Variants in CNBD1 observed in about 807,000 individuals in gnomAD.
The protein encoded by CNBD1 is cyclic nucleotide-binding domain-containing protein 1.
In CNBD1, 71 loss-of-function variants were observed where a neutral mutation model predicts 54.4. That is an observed-to-expected ratio of 1.30 (90% CI 1.08 to 1.59). The LOEUF is 1.59. CNBD1 is among the 40% of genes most tolerant of loss of function. CNBD1 has a pLI of 0.00. For synonymous variants in CNBD1, 182 were observed against 170.7 expected (o/e 1.07, Z -0.51); for missense variants, 659 against 518.0 (o/e 1.27, Z -2.64).
At chr8:87,427,442 G>T (rs888047179) in intron 2 of CNBD1, among the ~76,000 whole-genome samples, 2 of 152,032 alleles carry the variant, frequency 1.3e-5, no homozygotes, top group Non-Finnish European at 2.9e-5. Flanking sequence ...ATGTAGTCTG[G>T]CTTAAAACTG....
At chr8:86,883,691 G>A (rs1808636677) in intron 1 of CNBD1, among the ~76,000 whole-genome samples, 1 of 152,054 alleles carries the variant, frequency 6.6e-6, no homozygotes, top group African/African-American at 2.4e-5. Context: ...AATCTAAAAG[G>A]TCTCTGATGA....
chr8:87,089,008 A>G (rs1171962255), intron 4 of CNBD1, among the ~76,000 whole-genome samples: 1 of 152,160 alleles, frequency 6.6e-6, no homozygotes, highest in Non-Finnish European at 1.5e-5. Flanking sequence ...TTGACTAAGA[A>G]GATTTACGGG....
At chr8:87,275,204 G>A (rs553928426) in intron 6 of CNBD1, among the ~76,000 whole-genome samples, 29 of 142,024 alleles carry the variant, frequency 2.0e-4, no homozygotes, top group African/African-American at 7.9e-4. Flanking sequence ...AAGTCTGGTA[G>A]TGTGATGCCT....
chr8:86,957,291 T>G (rs537253769), intron 4 of CNBD1, among the ~76,000 whole-genome samples: 1 of 152,278 alleles, frequency 6.6e-6, no homozygotes, highest in South Asian at 2.1e-4. Flanking sequence ...AAAATTATGT[T>G]TTTTTTGTTG....
intron 3 of CNBD1, among the ~76,000 whole-genome samples, chr8:86,932,525 T>C (rs1792257550): frequency 2.6e-5 from 4 of 152,164 alleles, no homozygotes; most frequent in Admixed American, 2.0e-4. Context: ...AAACTTTGCA[T>C]AGTTGTGGAT....
chr8:87,079,353 T>C (rs1276897401), intron 4 of CNBD1, among the ~76,000 whole-genome samples: 3 of 152,120 alleles, frequency 2.0e-5, no homozygotes, highest in Non-Finnish European at 4.4e-5. Context: ...CTAGATTGTA[T>C]AGAAGGAGTA....
At chr8:87,372,252 A>T (rs1810826554) in intron 10 of CNBD1, among the ~76,000 whole-genome samples, 1 of 152,016 alleles carries the variant, frequency 6.6e-6, no homozygotes, top group African/African-American at 2.4e-5. Flanking sequence ...CTTCAAAGAG[A>T]AAAAAATACC....
chr8:86,908,268 T>C (rs890493379), intron 3 of CNBD1, among the ~76,000 whole-genome samples: 3 of 152,198 alleles, frequency 2.0e-5, no homozygotes, highest in African/African-American at 4.8e-5. Flanking sequence ...GGGACTTTGA[T>C]CATTATTTAA....
At chr8:87,015,392 A>C (rs1429973306) in intron 4 of CNBD1, among the ~76,000 whole-genome samples, 1 of 152,068 alleles carries the variant, frequency 6.6e-6, no homozygotes, top group Non-Finnish European at 1.5e-5. Flanking sequence ...TCATCGTGTT[A>C]GTCAGGATGG....
At chr8:87,304,911 G>A (rs956104819) in intron 8 of CNBD1, among the ~76,000 whole-genome samples, 1 of 152,032 alleles carries the variant, frequency 6.6e-6, no homozygotes, top group Non-Finnish European at 1.5e-5. Flanking sequence ...ATCCTTATCA[G>A]AGCAATCAAG....
intron 4 of CNBD1, among the ~76,000 whole-genome samples, chr8:87,011,884 A>G (rs764294246): frequency 6.6e-6 from 1 of 152,196 alleles, no homozygotes; most frequent in Non-Finnish European, 1.5e-5. Context: ...ATAATTTTAC[A>G]TGGAATAATT....
chr8:87,183,239 A>T (rs1813394119), intron 4 of CNBD1, among the ~76,000 whole-genome samples: 1 of 151,926 alleles, frequency 6.6e-6, no homozygotes, highest in South Asian at 2.1e-4. Context: ...TGGGCTTTCT[A>T]GTCTCTTTTG....
intron 4 of CNBD1, among the ~76,000 whole-genome samples, chr8:87,025,010 T>G (rs1340995365): frequency 2.0e-5 from 3 of 152,130 alleles, no homozygotes; most frequent in Non-Finnish European, 4.4e-5. Flanking sequence ...GCCAAATTGT[T>G]GGGTGAGATG....
At chr8:87,380,516 A>T (rs921863791) in intron 10 of CNBD1, among the ~76,000 whole-genome samples, 2 of 151,928 alleles carry the variant, frequency 1.3e-5, no homozygotes, top group African/African-American at 4.8e-5. Flanking sequence ...TTATGGTTCC[A>T]TATGAAATAA....
intron 10 of CNBD1, among the ~76,000 whole-genome samples, chr8:87,360,481 A>T (rs1176861176): frequency 6.6e-6 from 1 of 151,858 alleles, no homozygotes; most frequent in Non-Finnish European, 1.5e-5. Context: ...CATGCTACTG[A>T]GAATGTAGTT....
rs572776878 is a variant in CNBD1, at chr8:87,370,921, G to C, written c.1304-11699G>C. 4.6e-5 allele frequency among the ~76,000 whole-genome samples: 7 copies of C among 151,240 alleles called. 1 individual carries two copies. Among genetic ancestry groups the C allele is most frequent in the African/African-American group, 1.5e-4 (6 of 40,860 alleles). On this transcript the variant is annotated intron_variant, in intron 10 of 10. Transcript: ENST00000518476. ...ATTTTTGTATAAGGTATAAGGAAGG[G>C]ATCCAGTTTCAGCTTTCTACATATG...
chr8:87,410,573 G>A (rs1445336858), intron 2 of CNBD1, among the ~76,000 whole-genome samples: 1 of 152,134 alleles, frequency 6.6e-6, no homozygotes, highest in East Asian at 1.9e-4. Flanking sequence ...TGTGAACATT[G>A]TTGAAATCAC....
chr8:86,979,372 T>C (rs183305472), intron 4 of CNBD1, among the ~76,000 whole-genome samples: 130 of 127,952 alleles, frequency 1.0e-3, no homozygotes, highest in African/African-American at 3.6e-3. Flanking sequence ...TTGAGACCAG[T>C]CTGGGCAACA....
intron 8 of CNBD1, among the ~76,000 whole-genome samples, chr8:87,316,781 C>T (rs1245976574): frequency 6.6e-6 from 1 of 151,550 alleles, no homozygotes; most frequent in Non-Finnish European, 1.5e-5. Flanking sequence ...CAAAAAGTGC[C>T]AGAATGTGTG....
Sources: gnomAD v4.1 joint callset for allele counts (sites outside exome capture counted in the v4.1 genomes callset) on GRCh38, gnomAD v4.1.1 for gene constraint, MANE v1.5 for transcripts, NCBI Gene and HGNC (gene_info 2026-07-23, HGNC 2026-07-21) for gene names.